Variants in RBFOX1 observed in about 807,000 individuals in gnomAD.
The protein encoded by RBFOX1 is RNA binding fox-1 homolog 1.
Under a neutral mutation model 57.7 loss-of-function variants are expected in RBFOX1, and 8 were observed. That is an observed-to-expected ratio of 0.14 (90% confidence interval 0.08 to 0.25). The LOEUF (loss-of-function observed/expected upper bound fraction) is 0.25, where lower values mean the gene tolerates loss of function less well. RBFOX1 is among the 10% of genes least tolerant of loss of function. The pLI is 1.00. For synonymous variants in RBFOX1, 326 were observed against 222.4 expected, an observed-to-expected ratio of 1.47 and a Z score of -4.15; for missense variants, 611 against 548.5, an observed-to-expected ratio of 1.11 and a Z score of -1.14.
chr16:6,563,550 C>T (rs892916818), intron 2 of RBFOX1, among the ~76,000 whole-genome samples: 18 of 152,014 alleles, frequency 1.2e-4, no homozygotes, highest in African/African-American at 2.4e-4. Context: ...TTGGGTAAGC[C>T]GATAAAAAGA....
chr16:6,649,398 C>A (rs1301019601), intron 2 of RBFOX1, among the ~76,000 whole-genome samples: 1 of 152,138 alleles, frequency 6.6e-6, no homozygotes, highest in Non-Finnish European at 1.5e-5. Context: ...TTCTGGGGAA[C>A]AGGTGGTGTT....
At chr16:7,085,034 G>C (rs1431252847) in intron 4 of RBFOX1, among the ~76,000 whole-genome samples, 2 of 152,042 alleles carry the variant, frequency 1.3e-5, no homozygotes, top group Non-Finnish European at 2.9e-5. Context: ...ACTCAGAATG[G>C]AAATACTGAA....
At chr16:7,532,486 C>T (rs1053719679) in intron 5 of RBFOX1, among the ~76,000 whole-genome samples, 2 of 152,150 alleles carry the variant, frequency 1.3e-5, no homozygotes, top group African/African-American at 4.8e-5. Context: ...CAGAGGGGAC[C>T]TAGGAAAAGG....
intron 4 of RBFOX1, among the ~76,000 whole-genome samples, chr16:7,102,861 A>T (rs973734578): frequency 1.3e-5 from 2 of 152,096 alleles, no homozygotes; most frequent in Admixed American, 1.3e-4. Flanking sequence ...AGAATTTTTC[A>T]AATCCAAAAC....
chr16:6,771,797 G>C (rs1394950120), intron 3 of RBFOX1, among the ~76,000 whole-genome samples: 1 of 152,182 alleles, frequency 6.6e-6, no homozygotes, highest in Non-Finnish European at 1.5e-5. Context: ...AAGTTACCCA[G>C]CCTAAAGTGG....
intron 4 of RBFOX1, among the ~76,000 whole-genome samples, chr16:7,163,200 C>T (rs981582069): frequency 6.6e-6 from 1 of 151,974 alleles, no homozygotes; most frequent in Non-Finnish European, 1.5e-5. Context: ...TTTTGACTTG[C>T]CTGAGTTAAA....
intron 2 of RBFOX1, among the ~76,000 whole-genome samples, chr16:6,594,428 C>T (rs1051063509): frequency 6.6e-6 from 1 of 152,096 alleles, no homozygotes; most frequent in Admixed American, 6.5e-5. Flanking sequence ...GATACAAAAG[C>T]AGGTGGTGGG....
intron 5 of RBFOX1, among the ~76,000 whole-genome samples, chr16:7,574,718 T>G (rs184774692): frequency 1.3e-5 from 2 of 152,228 alleles, no homozygotes; most frequent in East Asian, 3.9e-4. Flanking sequence ...TTTATCTCCT[T>G]TGGCAGCACA....
intron 1 of RBFOX1, among the ~76,000 whole-genome samples, chr16:6,242,449 A>T (rs1468925033): frequency 1.3e-5 from 2 of 151,716 alleles, no homozygotes; most frequent in South Asian, 4.2e-4. Context: ...GGCTGGTCTC[A>T]AACTCCTGGC....
chr16:6,368,233 A>T (rs2152886210), intron 2 of RBFOX1, among the ~76,000 whole-genome samples: 1 of 152,326 alleles, frequency 6.6e-6, no homozygotes, highest in South Asian at 2.1e-4. Context: ...AATATCTCAC[A>T]GCTAGCTGGA....
intron 1 of RBFOX1, among the ~76,000 whole-genome samples, chr16:6,082,726 G>A (rs934204987): frequency 2.0e-5 from 3 of 151,988 alleles, no homozygotes; most frequent in Non-Finnish European, 4.4e-5. Flanking sequence ...AGCACACAGA[G>A]AATGATCACT....
At chr16:5,945,451 A>T (rs535915841) in intron 4 of RBFOX1, among the ~76,000 whole-genome samples, 1 of 152,210 alleles carries the variant, frequency 6.6e-6, no homozygotes, top group Non-Finnish European at 1.5e-5. Flanking sequence ...AGATCTAGAG[A>T]TGATAACATC....
At chr16:6,367,904 CTTG>C (rs545752937) in intron 2 of RBFOX1, among the ~76,000 whole-genome samples, 19 of 152,322 alleles carry the variant, frequency 1.2e-4, no homozygotes, top group Non-Finnish European at 2.2e-4. Flanking sequence ...AACTCAAACC[CTTG>C]TTGTTCCAAC....
intron 4 of RBFOX1, among the ~76,000 whole-genome samples, chr16:7,237,646 C>G (rs538517443): frequency 6.6e-6 from 1 of 152,174 alleles, no homozygotes; most frequent in African/African-American, 2.4e-5. Context: ...GCCAAGCGTC[C>G]ATGCACAGAC....
chr16:7,187,122 T>C lies in RBFOX1; in HGVS notation c.27+135024T>C, dbSNP rs111798280. ...AGGTCAGGGCTGCAGTGAGCCATGA[T>C]GGTGCCACTGCACTCCAGCTTGGGC... On this transcript the variant is annotated intron_variant, in intron 4 of 15. Transcript: ENST00000550418. Among the ~76,000 whole-genome samples the C allele has an allele frequency of 9.5e-4, 144 of 151,900 alleles. 1 individual carries two copies. The highest frequency in any genetic ancestry group is 3.4e-3 in the Middle Eastern group (1 of 292).
chr16:6,551,183 C>G (rs2096983019), intron 2 of RBFOX1, among the ~76,000 whole-genome samples: 1 of 152,202 alleles, frequency 6.6e-6, no homozygotes, highest in African/African-American at 2.4e-5. Context: ...TCTAGCCCAA[C>G]TCAGGATAAG....
At chr16:5,955,118 TAAAAAAAAAAAAAAAA>T (rs34488881) in intron 4 of RBFOX1, among the ~76,000 whole-genome samples, 19 of 14,286 alleles carry the variant, frequency 1.3e-3, no homozygotes, top group Non-Finnish European at 2.2e-4. Context: ...CCATCTCTAC[TAAAAAAAAAAAAAAAA>T]AAAAAAAAAA....
At chr16:7,499,370 C>G (rs150306074) in intron 4 of RBFOX1, among the ~76,000 whole-genome samples, 2 of 152,162 alleles carry the variant, frequency 1.3e-5, no homozygotes, top group South Asian at 4.1e-4. Context: ...GCTCGCTACT[C>G]AGGCATGACC....
intron 3 of RBFOX1, among the ~76,000 whole-genome samples, chr16:6,740,403 C>T (rs577738875): frequency 6.6e-6 from 1 of 152,048 alleles, no homozygotes; most frequent in Non-Finnish European, 1.5e-5. Flanking sequence ...TGCAATAAGA[C>T]AAGAAATATA....
Sources: gnomAD v4.1 joint callset for allele counts (sites outside exome capture counted in the v4.1 genomes callset) on GRCh38, gnomAD v4.1.1 for gene constraint, MANE v1.5 for transcripts, NCBI Gene and HGNC (gene_info 2026-07-23, HGNC 2026-07-21) for gene names.